GPR161: variants seen among roughly 807,000 people sequenced by gnomAD.
The protein encoded by GPR161 is G-protein coupled receptor RE2.
GPR161 carries 25 observed loss-of-function variants against 39.2 expected under a neutral mutation model. The observed-to-expected ratio is 0.64, with a 90% CI of 0.47 to 0.89. The LOEUF is 0.89. Ranked by LOEUF, GPR161 falls within the 40% of genes least tolerant of loss-of-function variation. GPR161 has a pLI of 0.00. For missense variants in GPR161, 547 were observed against 677.8 expected, an observed-to-expected ratio of 0.81 and a Z score of 2.14; for synonymous variants, 286 against 276.6, an observed-to-expected ratio of 1.03 and a Z score of -0.34.
Position 168,085,062 on chromosome 1 carries a change from G to C in GPR161, c.*469C>G. On this transcript the variant is annotated 3_prime_UTR_variant, in exon 6 of 6. Transcript: ENST00000682931. Reference sequence around the variant, plus strand: ...GCACCAGGACGGTCGCGTGTCATTAGGAAGAAGTGCTGTGTCATCCTTCAC... The same window carrying C: ...GCACCAGGACGGTCGCGTGTCATTACGAAGAAGTGCTGTGTCATCCTTCAC... 2.2e-6 allele frequency: 1 copy of C among 456,696 alleles called. No homozygotes were observed. Among genetic ancestry groups the C allele is most frequent in the Non-Finnish European group, 4.4e-6 (1 of 227,272 alleles). 28.3% of individuals were successfully genotyped at this position (456,696 alleles called of 1,614,324 possible).
chr1:168,137,402 C>T, upstream of GPR161: 1 of 1,535,768 alleles, frequency 6.5e-7, no homozygotes. Flanking sequence ...TTCATTCATC[C>T]AGCCGACGGG....
Position 168,099,836 on chromosome 1 carries a change from T to TTG in GPR161, c.375-2605_375-2604insCA, listed in dbSNP as rs1553262906. Among the ~76,000 whole-genome samples the TTG allele has an allele frequency of 3.9e-3, 375 of 95,908 alleles. 4 individuals are homozygous for TTG. Among genetic ancestry groups the TTG allele is most frequent in the Non-Finnish European group, 6.3e-3 (296 of 47,046 alleles). 62.9% of individuals were successfully genotyped at this position (95,908 alleles called of 152,430 possible). ...TTATTTTGTTTTTAAGTTTTTTTTT[T>TTG]GGGGGGGGGGGGTTGGTGTGGATAA... On this transcript the variant is annotated intron_variant, in intron 2 of 5. Transcript: ENST00000682931.
At chr1:168,110,968 CAA>C (rs894619547) in intron 1 of GPR161, among the ~76,000 whole-genome samples, 5 of 149,606 alleles carry the variant, frequency 3.3e-5, no homozygotes, top group Non-Finnish European at 5.9e-5. Context: ...CAATGAAAGA[CAA>C]ACGAATGGGT....
intron 1 of GPR161, chr1:168,136,187 G>T: frequency 7.9e-7 from 1 of 1,270,566 alleles, no homozygotes; most frequent in South Asian, 2.6e-5. Context: ...ACTTCTGGGC[G>T]CGCCACCCGC....
At chr1:168,136,365 A>G (rs1417155265) in intron 1 of GPR161, 2 of 1,464,410 alleles carry the variant, frequency 1.4e-6, no homozygotes, top group South Asian at 1.3e-5. Context: ...CCGCATCGGC[A>G]GAGTCCCGGG....
intron 3 of GPR161, among the ~76,000 whole-genome samples, chr1:168,092,492 C>T (rs746109568): frequency 6.6e-6 from 1 of 152,130 alleles, no homozygotes; most frequent in Non-Finnish European, 1.5e-5. Flanking sequence ...GAGACAATTA[C>T]CCTGAGATTG....
intron 1 of GPR161, among the ~76,000 whole-genome samples, chr1:168,126,360 C>G (rs1698587562): frequency 6.6e-6 from 1 of 152,214 alleles, no homozygotes; most frequent in Non-Finnish European, 1.5e-5. Flanking sequence ...GCTACCTTTA[C>G]AATGACCCTT....
At position 168,097,085 on chromosome 1, in the gene GPR161, GA is replaced by G; in HGVS notation, c.521del (p.Phe174SerfsTer149). ...GCCAAGCAGCCACACACATCCATTT[GA>G]ACTCGTCAAACTCCACGGATGACCA... ...FGWSSVEFDE[F>X]KWMCVAAWHR... is the part of the protein sequence containing the mutation. On this transcript the variant is annotated frameshift_variant, in exon 3 of 6. Transcript: ENST00000682931. LOFTEE classifies it high-confidence loss of function. 1 of 1,614,076 alleles carries G rather than the reference GA, an allele frequency of 6.2e-7. No individual in the cohort carries two copies. The highest frequency in any genetic ancestry group is 8.5e-7 in the Non-Finnish European group (1 of 1,180,030).
chr1:168,085,220 G>A lies in GPR161; in HGVS notation c.*311C>T. The stretch of plus-strand genomic sequence containing the variant: ...AGCCCTTCGTCTCTGGTCCTCCCAT[G>A]CCCCACCTCCCAAAAAGCCACAGCC... On this transcript the variant is annotated 3_prime_UTR_variant, in exon 6 of 6. Transcript: ENST00000682931. 2.2e-6 allele frequency: 1 copy of A among 456,532 alleles called. No individual in the cohort carries two copies. The highest frequency in any genetic ancestry group is 2.0e-5 in the South Asian group (1 of 49,198). The allele number at this position is 456,532 out of a possible 1,614,324, so 28.3% of individuals were successfully genotyped here. A position where few individuals can be genotyped will look rare whatever the true frequency, so the allele number is the denominator to read the frequency against.
chr1:168,084,840 T>C lies in GPR161; in HGVS notation c.*691A>G. 1 of 456,290 alleles carries C rather than the reference T, an allele frequency of 2.2e-6. No individual in the cohort carries two copies. Among genetic ancestry groups the C allele is most frequent in the Non-Finnish European group, 4.4e-6 (1 of 226,972 alleles). The allele number at this position is 456,290 out of a possible 1,614,324, so 28.3% of individuals were successfully genotyped here. On this transcript the variant is annotated 3_prime_UTR_variant, in exon 6 of 6. Transcript: ENST00000682931. ...CTTGTCTTTTATAGTGGTTTCTCCC[T>C]TTTGAAATACCAAAGAACTTGTCAG... is the stretch of plus-strand genomic sequence containing the variant.
chr1:168,093,798 T>G (rs574219945), intron 3 of GPR161, among the ~76,000 whole-genome samples: 1 of 152,332 alleles, frequency 6.6e-6, no homozygotes, highest in East Asian at 1.9e-4. Context: ...GGCTCTCTCC[T>G]GCAGTCAGAA....
rs557075188 is a variant in GPR161, at chr1:168,127,486, T to TA, written c.-45+9252dup. Among the ~76,000 whole-genome samples, 306 of 145,790 alleles carry TA rather than the reference T, an allele frequency of 2.1e-3. 1 individual carries two copies. The highest frequency in any genetic ancestry group is 0.02 in the South Asian group (92 of 4,582). On this transcript the variant is annotated intron_variant, in intron 1 of 5. Coordinates refer to ENST00000682931, the MANE Select transcript of GPR161 (RefSeq NM_001375883.1). ...GTGATGCAGTGAGACTCCATCTCAT[T>TA]AAAAAAAAAAAAATTTAGTTAAAGA...
In GPR161 at chr1:168,085,472, A is replaced by C; in HGVS notation, c.*59T>G. ...TCCCAAGGCCGCGGCACAGGCGGTGATGGGAACTCCTCCCCGGGCCAGCCT... is the reference window on the plus strand; with the variant it reads ...TCCCAAGGCCGCGGCACAGGCGGTGCTGGGAACTCCTCCCCGGGCCAGCCT... On this transcript the variant is annotated 3_prime_UTR_variant, in exon 6 of 6. Coordinates refer to ENST00000682931, the MANE Select transcript of GPR161 (RefSeq NM_001375883.1). The C allele has an allele frequency of 6.6e-7, 1 of 1,525,450 alleles. No homozygotes were observed. The highest frequency in any genetic ancestry group is 1.2e-5 in the South Asian group (1 of 83,166). 94.5% of individuals were successfully genotyped at this position (1,525,450 alleles called of 1,614,324 possible).
intron 1 of GPR161, among the ~76,000 whole-genome samples, chr1:168,110,754 T>C (rs777676181): frequency 2.6e-5 from 4 of 151,666 alleles, no homozygotes; most frequent in Non-Finnish European, 4.4e-5. Flanking sequence ...TGAAACCCCG[T>C]CTCTACTAAA....
intron 1 of GPR161, among the ~76,000 whole-genome samples, chr1:168,130,529 C>T (rs559622748): frequency 3.5e-4 from 53 of 152,320 alleles, no homozygotes; most frequent in Non-Finnish European, 6.3e-4. Flanking sequence ...GCCAAATACA[C>T]TCGAGCATTT....
At chr1:168,105,686 G>A (rs533229816) in intron 1 of GPR161, among the ~76,000 whole-genome samples, 2 of 152,348 alleles carry the variant, frequency 1.3e-5, no homozygotes, top group East Asian at 3.9e-4. Flanking sequence ...AGACATCACT[G>A]TCTATAAGGT....
intron 5 of GPR161, 24 bp from the exon 6 acceptor site, chr1:168,085,820 A>C: frequency 6.3e-7 from 1 of 1,596,946 alleles, no homozygotes; most frequent in Non-Finnish European, 8.6e-7. Context: ...CAGAAAAAAA[A>C]GTCAGCTGAG....
chr1:168,128,845 C>T (rs569628452), intron 1 of GPR161, among the ~76,000 whole-genome samples: 1 of 152,154 alleles, frequency 6.6e-6, no homozygotes, highest in South Asian at 2.1e-4. Flanking sequence ...AGGCACAGGG[C>T]TGTCCCCTCC....
In GPR161 at chr1:168,104,725, G is replaced by A. The variant is rs761162991; in HGVS notation, c.126C>T (p.Cys42=). 1.2e-6 allele frequency: 2 copies of A among 1,613,934 alleles called. No homozygotes were observed. The highest frequency in any genetic ancestry group is 1.6e-4 in the Middle Eastern group (1 of 6,082). The change falls in exon 2 of 6, where the codon TGC becomes TGT. Residue 42 remains cysteine, a synonymous_variant. Transcript: ENST00000682931. ...TGACCACGATGACCAGGTTTCCCAG[G>A]CAGACAAAAATGGTGATGACAATGA... The part of the protein sequence containing the change: ...IAIIVITIFV[C]LGNLVIVVTL...
Sources: gnomAD v4.1 joint callset for allele counts (sites outside exome capture counted in the v4.1 genomes callset) on GRCh38, gnomAD v4.1.1 for gene constraint, MANE v1.5 for transcripts, NCBI Gene and HGNC (gene_info 2026-07-23, HGNC 2026-07-21) for gene names.